Variants in MYH15 observed in about 807,000 individuals in gnomAD.
MYH15 encodes myosin heavy chain 15.
MYH15 carries 227 observed loss-of-function variants against 240.5 expected under a neutral mutation model. The observed-to-expected ratio is 0.94, with a 90% CI of 0.85 to 1.05. The LOEUF (loss-of-function observed/expected upper bound fraction) is 1.05. Among genes scored for constraint, MYH15 ranks in the 50% least tolerant of loss-of-function variants. MYH15 has a pLI of 0.00. For missense variants in MYH15, 2,217 were observed against 2,247.5 expected (o/e 0.99, Z 0.27); for synonymous variants, 785 against 796.7 (o/e 0.99, Z 0.25).
chr3:108,526,482 G>A (rs1303397381), intron 1 of MYH15, among the ~76,000 whole-genome samples: 1 of 152,026 alleles, frequency 6.6e-6, no homozygotes, highest in Non-Finnish European at 1.5e-5. Flanking sequence ...TCTGTTTATT[G>A]AGCCTGACAC....
intron 11 of MYH15, among the ~76,000 whole-genome samples, chr3:108,483,342 A>T (rs541423197): frequency 6.6e-6 from 1 of 152,110 alleles, no homozygotes; most frequent in Non-Finnish European, 1.5e-5. Context: ...GATGTTCAAC[A>T]TCACCAATCA....
intron 35 of MYH15, among the ~76,000 whole-genome samples, chr3:108,397,104 C>G (rs980138776): frequency 1.3e-5 from 2 of 152,304 alleles, no homozygotes; most frequent in Middle Eastern, 6.8e-3. Flanking sequence ...ATAATCACCA[C>G]AGTAAAACTT....
rs777995938 is a variant in MYH15, at chr3:108,428,502, G to C, written c.3692C>G (p.Thr1231Arg). 2 of 1,611,884 alleles carry C rather than the reference G, an allele frequency of 1.2e-6. No homozygotes were observed. The highest frequency in any genetic ancestry group is 1.7e-6 in the Non-Finnish European group (2 of 1,178,816). ...CATGGGAGTATCTACCTTAGCTCTT[G>C]TCATCTGCTCAACACGGGTCAGGAG... Reference protein sequence around the residue: ...DDLLTRVEQMTRAKANAEKLC... With the variant: ...DDLLTRVEQMRRAKANAEKLC... Residue 1231 changes from threonine to arginine, a missense_variant, in exon 27 of 41, where the codon ACA becomes AGA. By Grantham distance (71) the Thr-to-Arg change is moderately conservative. Transcript: ENST00000693548.
At chr3:108,472,918 A>G (rs1472789875) in intron 12 of MYH15, among the ~76,000 whole-genome samples, 1 of 152,216 alleles carries the variant, frequency 6.6e-6, no homozygotes. Context: ...CTCTTTTTAA[A>G]ATAACCTCAC....
chr3:108,487,095 GAT>G (rs1257884117), intron 9 of MYH15, among the ~76,000 whole-genome samples: 1 of 152,174 alleles, frequency 6.6e-6, no homozygotes, highest in East Asian at 1.9e-4. Flanking sequence ...GCTGCACCCT[GAT>G]ATGTCTAAGA....
At chr3:108,510,665 A>G (rs764358390), upstream of MYH15, 64 of 1,390,058 alleles carry the variant, frequency 4.6e-5, no homozygotes, top group Non-Finnish European at 5.8e-5. Context: ...CCATTCACAT[A>G]GATAGACTAA....
intron 26 of MYH15, 131 bp from the exon 27 acceptor site, chr3:108,429,012 G>A (rs1225755997): frequency 1.1e-6 from 1 of 947,816 alleles, no homozygotes; most frequent in African/African-American, 1.7e-5. Flanking sequence ...AGAATACACA[G>A]AAGTTAAGTG....
At chr3:108,540,061 A>C in the MYH15 span, among the ~76,000 whole-genome samples, 1 of 152,214 alleles carries the variant, frequency 6.6e-6, no homozygotes, top group Admixed American at 6.5e-5. Flanking sequence ...AACAGAACCT[A>C]AAAGCACACT....
intron 12 of MYH15, among the ~76,000 whole-genome samples, chr3:108,475,423 A>G (rs1212780739): frequency 6.6e-6 from 1 of 152,204 alleles, no homozygotes; most frequent in Non-Finnish European, 1.5e-5. Context: ...CAGAAAGGCT[A>G]CATTTCTCAG....
Position 108,390,646 on chromosome 3 carries a change from T to C in MYH15, c.5430+1114A>G, listed in dbSNP as rs2082416722. 2.0e-5 allele frequency among the ~76,000 whole-genome samples: 3 copies of C among 152,308 alleles called. No individual in the cohort carries two copies. The South Asian group carries it at 6.2e-4, about 32-fold the overall frequency. ...GTTATTTTGTCCTTATATTGAGGGA[T>C]GTATGGACAAAACATTATGTTTAAA... is the stretch of plus-strand genomic sequence containing the variant. On this transcript the variant is annotated intron_variant, in intron 37 of 40. Coordinates refer to ENST00000693548, the MANE Select transcript of MYH15 (RefSeq NM_014981.3).
chr3:108,489,253 G>A (rs780386409), intron 9 of MYH15, among the ~76,000 whole-genome samples: 1 of 152,170 alleles, frequency 6.6e-6, no homozygotes, highest in Admixed American at 6.5e-5. Flanking sequence ...TTTATGAAGT[G>A]AATACACAGG....
chr3:108,536,344 G>GT, the MYH15 span, among the ~76,000 whole-genome samples: 1 of 152,106 alleles, frequency 6.6e-6, no homozygotes, highest in Non-Finnish European at 1.5e-5. Context: ...GATGACATTT[G>GT]TATCTATTTT....
At chr3:108,514,560 G>A (rs1559674214), upstream of MYH15, among the ~76,000 whole-genome samples, 1 of 152,078 alleles carries the variant, frequency 6.6e-6, no homozygotes, top group Non-Finnish European at 1.5e-5. Context: ...GATTTGAATA[G>A]GGATAGAAGT....
chr3:108,388,438 G>A (rs2082399281), intron 38 of MYH15, among the ~76,000 whole-genome samples: 1 of 152,156 alleles, frequency 6.6e-6, no homozygotes, highest in Non-Finnish European at 1.5e-5. Flanking sequence ...TAGTCAACAG[G>A]TTAGATTCAG....
At chr3:108,434,924 TTTCA>T (rs776690327) in intron 25 of MYH15, among the ~76,000 whole-genome samples, 5 of 152,218 alleles carry the variant, frequency 3.3e-5, no homozygotes, top group Non-Finnish European at 7.3e-5. Context: ...TAGATTACTA[TTTCA>T]TTGTTTTATT....
At chr3:108,408,025 T>C (rs3957543) in intron 32 of MYH15, among the ~76,000 whole-genome samples, 70,628 of 152,114 alleles carry the variant, frequency 0.46, 17,878 homozygotes, top group Non-Finnish European at 0.58. Flanking sequence ...AGATAGTTCC[T>C]GTTTTTACTA....
chr3:108,410,664 CTGTA>C lies in MYH15; in HGVS notation c.4410_4413del (p.Ser1470ArgfsTer34). The C allele has an allele frequency of 6.2e-7, 1 of 1,614,198 alleles. No homozygotes were observed. Among genetic ancestry groups the C allele is most frequent in the Non-Finnish European group, 8.5e-7 (1 of 1,180,042 alleles). The stretch of plus-strand genomic sequence containing the variant: ...TAGGTGTTCTTGAGCTTGAGGAGCT[CTGTA>C]CTGAGAGCCTGAACTTCCTTCTGAG... On this transcript the variant is annotated frameshift_variant, in exon 31 of 41. Transcript: ENST00000693548. LOFTEE classifies it high-confidence loss of function.
At chr3:108,393,440 G>A (rs959683200) in intron 36 of MYH15, among the ~76,000 whole-genome samples, 3 of 152,306 alleles carry the variant, frequency 2.0e-5, no homozygotes, top group Admixed American at 6.5e-5. Context: ...GTGCCCAGAG[G>A]GTGGCCTTTT....
chr3:108,459,294 A>G, intron 18 of MYH15, 68 bp downstream of exon 18: 1 of 981,032 alleles, frequency 1.0e-6, no homozygotes, highest in South Asian at 1.6e-5. Context: ...ATTTCTTTAA[A>G]AGATATTCAA....
Sources: gnomAD v4.1 joint callset for allele counts (sites outside exome capture counted in the v4.1 genomes callset) on GRCh38, gnomAD v4.1.1 for gene constraint, MANE v1.5 for transcripts, NCBI Gene and HGNC (gene_info 2026-07-23, HGNC 2026-07-21) for gene names.